MED27: variants seen among roughly 807,000 people sequenced by gnomAD.
MED27 encodes mediator of RNA polymerase II transcription subunit 27.
A neutral mutation model predicts 38.2 loss-of-function variants in MED27; 30 were observed. The ratio of observed to expected loss-of-function variants is 0.79; its 90% CI spans 0.59 to 1.07. The LOEUF (loss-of-function observed/expected upper bound fraction) is 1.07, where lower values mean the gene tolerates loss of function less well. MED27 is among the 50% of genes least tolerant of loss of function. The pLI, the probability that MED27 is intolerant of heterozygous loss-of-function variation, is 0.00. For missense variants in MED27, 289 were observed against 397.5 expected (o/e 0.73, Z 2.32); for synonymous variants, 122 against 153.5 (o/e 0.79, Z 1.52).
chr9:131,891,516 A>G (rs1839228667), intron 5 of MED27, among the ~76,000 whole-genome samples: 1 of 152,252 alleles, frequency 6.6e-6, no homozygotes, highest in African/African-American at 2.4e-5. Flanking sequence ...ACTCCCTGTA[A>G]GATATTCATA....
At chr9:131,878,102 C>T (rs1201327239) in intron 6 of MED27, among the ~76,000 whole-genome samples, 1 of 151,968 alleles carries the variant, frequency 6.6e-6, no homozygotes, top group Non-Finnish European at 1.5e-5. Flanking sequence ...CGGTGAAACC[C>T]CGTCTCTACA....
At chr9:131,886,411 C>T (rs920660800) in intron 5 of MED27, among the ~76,000 whole-genome samples, 1 of 152,078 alleles carries the variant, frequency 6.6e-6, no homozygotes. Flanking sequence ...GAAAAATGAA[C>T]CTCAATCACC....
intron 3 of MED27, among the ~76,000 whole-genome samples, chr9:132,011,451 T>C (rs1832485788): frequency 6.6e-6 from 1 of 152,192 alleles, no homozygotes; most frequent in South Asian, 2.1e-4. Flanking sequence ...CAGGCAGCCA[T>C]GTTGCATTTC....
chr9:131,910,396 T>A (rs1166928421), intron 4 of MED27, among the ~76,000 whole-genome samples: 1 of 152,214 alleles, frequency 6.6e-6, no homozygotes, highest in Non-Finnish European at 1.5e-5. Context: ...TATAAATGAT[T>A]AAGCATCTAC....
At chr9:131,901,408 T>C (rs1829946242) in intron 4 of MED27, among the ~76,000 whole-genome samples, 1 of 152,134 alleles carries the variant, frequency 6.6e-6, no homozygotes, top group Admixed American at 6.5e-5. Context: ...AACTGAGGCC[T>C]AGGGAGGTTA....
At chr9:131,903,276 C>T (rs1180829421) in intron 4 of MED27, among the ~76,000 whole-genome samples, 3 of 152,164 alleles carry the variant, frequency 2.0e-5, no homozygotes, top group Admixed American at 6.5e-5. Flanking sequence ...GCAGAGAACA[C>T]CCATTTTTAA....
intron 3 of MED27, among the ~76,000 whole-genome samples, chr9:131,960,281 G>C (rs2130996985): frequency 6.6e-6 from 1 of 152,258 alleles, no homozygotes; most frequent in Non-Finnish European, 1.5e-5. Flanking sequence ...ACAATTAACA[G>C]ATGCAGCTGT....
intron 3 of MED27, among the ~76,000 whole-genome samples, chr9:131,991,766 G>C (rs1033820517): frequency 6.6e-6 from 1 of 152,136 alleles, no homozygotes; most frequent in South Asian, 2.1e-4. Flanking sequence ...CTGTTGCCCA[G>C]GCTGGAGTGC....
chr9:132,012,584 C>T (rs1832507246), intron 3 of MED27, among the ~76,000 whole-genome samples: 1 of 152,132 alleles, frequency 6.6e-6, no homozygotes. Context: ...CTTGGGATCC[C>T]CCCGGCTCTT....
At chr9:131,930,276 G>A (rs1368272742) in intron 4 of MED27, among the ~76,000 whole-genome samples, 3 of 152,156 alleles carry the variant, frequency 2.0e-5, no homozygotes, top group African/African-American at 7.2e-5. Flanking sequence ...CACCAAGCAA[G>A]TTTAACCTGA....
intron 2 of MED27, among the ~76,000 whole-genome samples, chr9:132,057,958 A>G (rs1833615241): frequency 6.6e-6 from 1 of 152,218 alleles, no homozygotes; most frequent in Non-Finnish European, 1.5e-5. Context: ...ACAATATAGT[A>G]AAACCTAATT....
chr9:132,017,050 G>A (rs1832618946), intron 2 of MED27, among the ~76,000 whole-genome samples: 1 of 152,112 alleles, frequency 6.6e-6, no homozygotes, highest in South Asian at 2.1e-4. Context: ...AGCAGCACTT[G>A]TTAATCATAT....
chr9:132,028,839 T>C (rs992517704), intron 2 of MED27, among the ~76,000 whole-genome samples: 4 of 152,188 alleles, frequency 2.6e-5, no homozygotes, highest in African/African-American at 7.2e-5. Context: ...GAACTTCTAC[T>C]GAGGAACCCA....
At chr9:132,075,588 T>C (rs1393919108) in intron 2 of MED27, among the ~76,000 whole-genome samples, 1 of 152,230 alleles carries the variant, frequency 6.6e-6, no homozygotes, top group Non-Finnish European at 1.5e-5. Context: ...GAACTTCTAA[T>C]AGTAGAACAA....
Position 132,014,400 on chromosome 9 carries a change from T to C in MED27, c.416A>G (p.Gln139Arg). ...TCTACGTTTGGCAGATACTCCCATCTGATTAGCGGAACGCTTCAATGACTG... is the reference window on the plus strand; with the variant it reads ...TCTACGTTTGGCAGATACTCCCATCCGATTAGCGGAACGCTTCAATGACTG... ...NQQSLKRSANQMGVSAKRRPK... is the reference protein window; with the variant it reads ...NQQSLKRSANRMGVSAKRRPK... The change falls in exon 3 of 8, where the codon CAG becomes CGG. Residue 139 changes from glutamine (Q) to arginine (R), a missense_variant. By Grantham distance (43) the Gln-to-Arg change is conservative (BLOSUM62 1). Coordinates refer to ENST00000292035, the MANE Select transcript of MED27 (RefSeq NM_004269.4). 6.2e-7 allele frequency: 1 copy of C among 1,613,810 alleles called. No individual in the cohort carries two copies. Among genetic ancestry groups the C allele is most frequent in the Non-Finnish European group, 8.5e-7 (1 of 1,179,978 alleles).
intron 3 of MED27, among the ~76,000 whole-genome samples, chr9:131,940,796 C>T (rs1448534630): frequency 1.3e-5 from 2 of 152,224 alleles, no homozygotes; most frequent in African/African-American, 2.4e-5. Flanking sequence ...GCTCTTACCC[C>T]AAACATATCA....
At chr9:132,073,046 G>A (rs934557129) in intron 2 of MED27, among the ~76,000 whole-genome samples, 9 of 152,016 alleles carry the variant, frequency 5.9e-5, no homozygotes, top group Non-Finnish European at 1.3e-4. Flanking sequence ...CCTGACTCAG[G>A]CAACTCCAAA....
intron 2 of MED27, among the ~76,000 whole-genome samples, chr9:132,068,052 T>C (rs1453052388): frequency 1.3e-5 from 2 of 152,074 alleles, no homozygotes; most frequent in Non-Finnish European, 2.9e-5. Context: ...AAAGTTTTCA[T>C]AATAAAAAGG....
Position 132,051,828 on chromosome 9 carries a change from T to G in MED27, c.348+25614A>C, listed in dbSNP as rs180855722. On this transcript the variant is annotated intron_variant, in intron 2 of 7. Transcript: ENST00000292035. This position sits in a 1 kb window ranked among gnomAD's most constrained non-coding sequence, Gnocchi z 4.2. The stretch of plus-strand genomic sequence containing the variant: ...AGCACTGCTCTGATCCCAGAAAATA[T>G]GTCACATATCACATTAAAACCAGAA... Among the ~76,000 whole-genome samples the G allele has an allele frequency of 6.6e-6, 1 of 152,292 alleles. No individual in the cohort carries two copies. The highest frequency in any genetic ancestry group is 6.5e-5 in the Admixed American group (1 of 15,300).
Sources: allele counts gnomAD v4.1 joint callset (sites outside exome capture counted in the v4.1 genomes callset), GRCh38; gene constraint gnomAD v4.1.1; non-coding constraint Gnocchi (gnomAD v3.1); transcripts MANE v1.5; gene names NCBI Gene and HGNC (gene_info 2026-07-23, HGNC 2026-07-21).